The following BCAP29 variants were observed in gnomAD, a reference collection of about 807,000 sequenced individuals.
The protein encoded by BCAP29 is B cell receptor associated protein 29.
BCAP29 carries 34 observed loss-of-function variants against 31.8 expected under a neutral mutation model. The observed-to-expected ratio is 1.07, with a 90% CI of 0.81 to 1.42. The LOEUF (loss-of-function observed/expected upper bound fraction) is 1.42. Among genes scored for constraint, BCAP29 ranks in the 40% most tolerant of loss-of-function variants. The pLI, the probability that BCAP29 is intolerant of heterozygous loss-of-function variation, is 0.00. For synonymous variants in BCAP29, 104 were observed against 91.3 expected (o/e 1.14, Z -0.79); for missense variants, 314 against 269.2 (o/e 1.17, Z -1.16).
intron 4 of BCAP29, 82 bp downstream of exon 4, chr7:107,594,187 G>T: frequency 1.6e-6 from 2 of 1,289,660 alleles, no homozygotes; most frequent in Non-Finnish European, 2.1e-6. Flanking sequence ...CTTTACTGTA[G>T]ATTTTTTTTT....
chr7:107,588,878 A>G (rs867508353), intron 3 of BCAP29, among the ~76,000 whole-genome samples: 8 of 152,330 alleles, frequency 5.3e-5, no homozygotes, highest in Non-Finnish European at 7.3e-5. Flanking sequence ...AAGGAAATCA[A>G]TGAAAAGGAA....
chr7:107,606,078 C>T (rs1402724207), intron 6 of BCAP29, among the ~76,000 whole-genome samples: 2 of 152,110 alleles, frequency 1.3e-5, no homozygotes, highest in South Asian at 2.1e-4. Flanking sequence ...TAATCTAGGG[C>T]GGTAGTTTTT....
At chr7:107,620,663 T>C (rs1249938525), downstream of BCAP29, 1 of 152,206 alleles carries the variant, frequency 6.6e-6, no homozygotes, top group Non-Finnish European at 1.5e-5. Context: ...CTTTAGGAAG[T>C]AGCACTTAGC....
intron 7 of BCAP29, among the ~76,000 whole-genome samples, chr7:107,614,898 G>A (rs906211016): frequency 4.6e-5 from 7 of 152,158 alleles, no homozygotes; most frequent in Admixed American, 4.6e-4. Flanking sequence ...ATTATTCGTG[G>A]TATCTTTCAA....
At chr7:107,599,745 A>G (rs956259404) in intron 5 of BCAP29, among the ~76,000 whole-genome samples, 9 of 152,134 alleles carry the variant, frequency 5.9e-5, no homozygotes, top group African/African-American at 1.4e-4. Flanking sequence ...TATTTTGATC[A>G]GTTGTTTTAC....
intron 7 of BCAP29, among the ~76,000 whole-genome samples, chr7:107,614,662 C>A (rs1189796622): frequency 6.6e-6 from 1 of 152,178 alleles, no homozygotes; most frequent in Admixed American, 6.5e-5. Flanking sequence ...TATTTGTAAT[C>A]TGATATTCCC....
At chr7:107,616,925 G>A (rs961304630) in intron 7 of BCAP29, among the ~76,000 whole-genome samples, 1 of 152,102 alleles carries the variant, frequency 6.6e-6, no homozygotes, top group East Asian at 1.9e-4. Context: ...TTTTAGTAGA[G>A]ACAGGGTTTC....
rs1203692585 is a variant in BCAP29 at position 107,600,417 on chromosome 7, A to G, written c.501A>G (p.Lys167=). ...KLKRILKSHG[K]DEECVLEAEN... is the part of the protein sequence containing the mutation. ...AATAGATTTTGAAAAGCCATGGTAAAGATGAAGAATGTGTTTTGGAAGCAG... is the reference window on the plus strand; with the variant it reads ...AATAGATTTTGAAAAGCCATGGTAAGGATGAAGAATGTGTTTTGGAAGCAG... Residue 167 remains lysine, a synonymous_variant, in exon 6 of 8, where the codon AAA becomes AAG. Transcript: ENST00000005259. The G allele has an allele frequency of 6.2e-7, 1 of 1,607,128 alleles. No homozygotes were observed. Among genetic ancestry groups the G allele is most frequent in the Admixed American group, 1.7e-5 (1 of 59,690 alleles).
chr7:107,616,121 G>A (rs1407459292), intron 7 of BCAP29: 1 of 152,238 alleles, frequency 6.6e-6, no homozygotes, highest in East Asian at 1.9e-4. Flanking sequence ...CTCCCTTGCT[G>A]TCTGACTCAG....
At chr7:107,601,283 G>T (rs1811129348) in intron 6 of BCAP29, among the ~76,000 whole-genome samples, 2 of 152,138 alleles carry the variant, frequency 1.3e-5, no homozygotes, top group African/African-American at 2.4e-5. Flanking sequence ...GCCAGACACT[G>T]AGAAACCTCA....
intron 7 of BCAP29, among the ~76,000 whole-genome samples, chr7:107,614,478 G>A (rs763950920): frequency 1.1e-4 from 16 of 152,144 alleles, no homozygotes; most frequent in Non-Finnish European, 1.8e-4. Flanking sequence ...TAAATAAAAT[G>A]TGTAGGTTTT....
At chr7:107,621,162 A>G (rs1434527725), downstream of BCAP29, 3 of 153,742 alleles carry the variant, frequency 2.0e-5, no homozygotes, top group African/African-American at 7.2e-5. Flanking sequence ...AGCCCTGCTA[A>G]CATGACAAAC....
At chr7:107,616,426 C>A (rs1250875350) in intron 7 of BCAP29, 1 of 152,122 alleles carries the variant, frequency 6.6e-6, no homozygotes, top group Non-Finnish European at 1.5e-5. Flanking sequence ...AAACCAATTT[C>A]CCATAATATC....
At chr7:107,580,555 C>T (rs1423970534) in intron 1 of BCAP29, 2 of 474,108 alleles carry the variant, frequency 4.2e-6, no homozygotes, top group East Asian at 7.5e-5. Context: ...GCCGCCTCGC[C>T]AGTTCCCACG....
intron 3 of BCAP29, among the ~76,000 whole-genome samples, chr7:107,585,858 G>A (rs1807570105): frequency 6.6e-6 from 1 of 152,124 alleles, no homozygotes; most frequent in African/African-American, 2.4e-5. Context: ...GGGCATGGGG[G>A]CGCGTGCCTG....
intron 7 of BCAP29, chr7:107,616,207 A>C (rs1292968272): frequency 6.6e-6 from 1 of 151,836 alleles, no homozygotes. Flanking sequence ...GATTTCTTCT[A>C]CTCTTTCTGC....
chr7:107,602,112 T>TA (rs764287127), intron 6 of BCAP29, among the ~76,000 whole-genome samples: 3 of 152,228 alleles, frequency 2.0e-5, no homozygotes, highest in Non-Finnish European at 4.4e-5. Context: ...TAACAACTGA[T>TA]ACCAGCTTCT....
chr7:107,620,411 A>G lies in BCAP29; in HGVS notation c.*2048A>G, dbSNP rs2808. ...GCTGTGTTTGGTAGTTTTTCCTAGT[A>G]CTCTCCTTAATAATGGTGGTGTTTA... On this transcript the variant is annotated 3_prime_UTR_variant, in exon 8 of 8. Transcript: ENST00000005259. The G allele has an allele frequency of 0.73, 110,471 of 152,076 alleles. 40,184 individuals are homozygous for G. Among genetic ancestry groups the G allele is most frequent in the South Asian group, 0.85 (4,058 of 4,800 alleles). The allele number at this position is 152,076 out of a possible 1,614,324, so 9.4% of individuals were successfully genotyped here.
intron 5 of BCAP29, among the ~76,000 whole-genome samples, chr7:107,598,949 G>A (rs759590337): frequency 7.0e-6 from 1 of 142,842 alleles, no homozygotes; most frequent in Non-Finnish European, 1.5e-5. Context: ...ACATATATGT[G>A]CACACGTGTA....
Sources: gnomAD v4.1 joint callset for allele counts (sites outside exome capture counted in the v4.1 genomes callset) on GRCh38, gnomAD v4.1.1 for gene constraint, MANE v1.5 for transcripts, NCBI Gene and HGNC (gene_info 2026-07-23, HGNC 2026-07-21) for gene names.